The following FRMD5 variants were observed in gnomAD, a reference collection of about 807,000 sequenced individuals.
FRMD5 encodes FERM domain containing 5.
FRMD5 carries 20 observed loss-of-function variants against 69.0 expected under a neutral mutation model. The ratio of observed to expected loss-of-function variants is 0.29; its 90% CI spans 0.20 to 0.42. FRMD5 has a LOEUF of 0.42. Among genes scored for constraint, FRMD5 ranks in the 10% least tolerant of loss-of-function variants. FRMD5 has a pLI of 1.00. For missense variants in FRMD5, 595 were observed against 708.6 expected, an observed-to-expected ratio of 0.84 and a Z score of 1.82; for synonymous variants, 271 against 260.1, an observed-to-expected ratio of 1.04 and a Z score of -0.40.
rs535039229 is a variant in FRMD5, at chr15:43,933,720, A to G, written c.103-9411T>C. 1.1e-4 allele frequency among the ~76,000 whole-genome samples: 16 copies of G among 152,312 alleles called. No individual in the cohort carries two copies. The South Asian group carries it at 3.3e-3, about 32-fold the overall frequency. ...TTACAGAGAAACACTGCTTCTTCCT[A>G]CCAGGTTTTTAAATTCTGCCTTTCA... On this transcript the variant is annotated intron_variant, in intron 1 of 13. Transcript: ENST00000417257.
At chr15:44,191,990 G>C (rs2078205219) in intron 1 of FRMD5, among the ~76,000 whole-genome samples, 1 of 145,874 alleles carries the variant, frequency 6.9e-6, no homozygotes, top group Non-Finnish European at 1.5e-5. Flanking sequence ...GAGTAGACCA[G>C]ATCTGCATTT....
chr15:44,133,155 A>C (rs995039756), intron 1 of FRMD5, among the ~76,000 whole-genome samples: 3 of 151,772 alleles, frequency 2.0e-5, no homozygotes, highest in Admixed American at 2.0e-4. Context: ...CGGAGATTGC[A>C]GTGAGCTGAG....
intron 4 of FRMD5, chr15:43,919,038 C>T (rs1039781055): frequency 2.3e-5 from 7 of 301,104 alleles, no homozygotes; most frequent in Non-Finnish European, 4.0e-5. Flanking sequence ...TATCTCCCAG[C>T]TTATCTTTCA....
At chr15:43,942,075 G>C (rs1454000754) in intron 1 of FRMD5, among the ~76,000 whole-genome samples, 1 of 152,134 alleles carries the variant, frequency 6.6e-6, no homozygotes, top group Non-Finnish European at 1.5e-5. Context: ...GAAAAAGCCA[G>C]GCTTGCTGGT....
At chr15:43,897,649 C>T (rs747722404) in intron 7 of FRMD5, among the ~76,000 whole-genome samples, 3 of 151,946 alleles carry the variant, frequency 2.0e-5, no homozygotes, top group African/African-American at 7.3e-5. Flanking sequence ...GTTGATCTAA[C>T]CTAGATCCTG....
intron 1 of FRMD5, chr15:44,064,216 TCCCA>T (rs2140391146): frequency 5.5e-6 from 1 of 180,796 alleles, no homozygotes; most frequent in African/African-American, 2.4e-5. Flanking sequence ...CTTCCATGTC[TCCCA>T]CCACCACTGT....
intron 1 of FRMD5, among the ~76,000 whole-genome samples, chr15:44,129,806 G>C (rs1217439028): frequency 6.6e-6 from 1 of 152,092 alleles, no homozygotes; most frequent in African/African-American, 2.4e-5. Flanking sequence ...TCTTCCAACA[G>C]AAAAGTCATT....
chr15:43,906,041 C>T (rs2089164180), intron 5 of FRMD5, 90 bp from the exon 6 acceptor site: 1 of 1,456,274 alleles, frequency 6.9e-7, no homozygotes, highest in Non-Finnish European at 9.6e-7. Flanking sequence ...AGAGCAAAAG[C>T]CAAAATACAC....
chr15:43,886,712 C>T (rs565932417), intron 10 of FRMD5, among the ~76,000 whole-genome samples: 1 of 152,338 alleles, frequency 6.6e-6, no homozygotes, highest in East Asian at 1.9e-4. Context: ...GGCTCCAGGA[C>T]ATCCGAGCTG....
upstream of FRMD5, chr15:44,195,384 A>G: frequency 2.6e-6 from 1 of 385,136 alleles, no homozygotes; most frequent in East Asian, 6.3e-5. Context: ...AAGCCAATCG[A>G]GATAGAGTAC....
At chr15:44,017,290 A>T (rs542273772) in intron 1 of FRMD5, among the ~76,000 whole-genome samples, 2 of 151,930 alleles carry the variant, frequency 1.3e-5, no homozygotes, top group East Asian at 3.9e-4. Flanking sequence ...GTGAGCCAAG[A>T]TAGCGCCACT....
At chr15:44,050,354 ATTTTTC>A (rs1321683501) in intron 1 of FRMD5, among the ~76,000 whole-genome samples, 1 of 151,900 alleles carries the variant, frequency 6.6e-6, no homozygotes, top group African/African-American at 2.4e-5. Context: ...ACTAAAGAGT[ATTTTTC>A]TTTTTCTTTT....
chr15:43,913,394 C>G (rs2089325055), intron 4 of FRMD5, among the ~76,000 whole-genome samples: 1 of 152,232 alleles, frequency 6.6e-6, no homozygotes, highest in South Asian at 2.1e-4. Context: ...ATGAAAGAAT[C>G]AACTGACAGC....
intron 1 of FRMD5, among the ~76,000 whole-genome samples, chr15:43,952,682 G>A (rs2090055093): frequency 6.6e-6 from 1 of 152,228 alleles, no homozygotes; most frequent in South Asian, 2.1e-4. Context: ...TCTGAGCTGT[G>A]TCCTCTTCAA....
chr15:43,950,716 C>T (rs184173091), intron 1 of FRMD5, among the ~76,000 whole-genome samples: 3 of 152,186 alleles, frequency 2.0e-5, no homozygotes, highest in African/African-American at 7.2e-5. Flanking sequence ...GACAATAAGG[C>T]ACAGCTGGGA....
At chr15:44,120,719 G>A (rs1203810766) in intron 1 of FRMD5, among the ~76,000 whole-genome samples, 3 of 150,596 alleles carry the variant, frequency 2.0e-5, no homozygotes, top group Non-Finnish European at 3.0e-5. Flanking sequence ...TAATAGAGAC[G>A]GGGTTTCACC....
At chr15:44,022,944 C>G (rs1258405210) in intron 1 of FRMD5, among the ~76,000 whole-genome samples, 1 of 151,984 alleles carries the variant, frequency 6.6e-6, no homozygotes, top group Non-Finnish European at 1.5e-5. Context: ...TCAGGTAGAT[C>G]AGAAAAATGA....
intron 1 of FRMD5, among the ~76,000 whole-genome samples, chr15:43,991,447 CT>C (rs1225535385): frequency 2.0e-5 from 3 of 152,186 alleles, no homozygotes; most frequent in African/African-American, 7.2e-5. Context: ...GTCTTTGCTG[CT>C]GCTGCTACTG....
In FRMD5 at chr15:43,893,638, G is replaced by A. The variant is rs1161437740; in HGVS notation, c.640-1569C>T. ...AATGTGCCTGCAGGAGAGTCTTCTG[G>A]GCCACAGCTCAGGTGGTGCCATGGA... On this transcript the variant is annotated intron_variant, in intron 7 of 13. Transcript: ENST00000417257. Among the ~76,000 whole-genome samples, 4 of 152,274 alleles carry A rather than the reference G, an allele frequency of 2.6e-5. No individual in the cohort carries two copies. In the East Asian group the frequency reaches 7.7e-4, roughly 29 times the overall value.
Sources: gnomAD v4.1 joint callset for allele counts (sites outside exome capture counted in the v4.1 genomes callset) on GRCh38, gnomAD v4.1.1 for gene constraint, MANE v1.5 for transcripts, NCBI Gene and HGNC (gene_info 2026-07-23, HGNC 2026-07-21) for gene names.